CNBD1: variants seen among roughly 807,000 people sequenced by gnomAD.
The protein encoded by CNBD1 is cyclic nucleotide binding domain containing 1, also known as cyclic nucleotide-binding domain-containing protein 1.
Under a neutral mutation model 54.4 loss-of-function variants are expected in CNBD1, and 71 were observed. The observed-to-expected ratio is 1.30, with a 90% CI of 1.08 to 1.59. The LOEUF (loss-of-function observed/expected upper bound fraction) is 1.59. CNBD1 is among the 40% of genes most tolerant of loss of function. The pLI is 0.00. For missense variants in CNBD1, 659 were observed against 518.0 expected (o/e 1.27, Z -2.64); for synonymous variants, 182 against 170.7 (o/e 1.07, Z -0.51).
intron 7 of CNBD1, among the ~76,000 whole-genome samples, chr8:87,285,763 G>A (rs766451418): frequency 1.7e-4 from 26 of 152,244 alleles, no homozygotes; most frequent in Middle Eastern, 3.4e-3. Context: ...CCAGCTACTC[G>A]GGAGGCTGAG....
rs562002750 is a variant in CNBD1, at chr8:87,353,757, T to C, written c.1274T>C (p.Met425Thr). The change falls in exon 10 of 11, where the codon ATG (methionine) becomes ACG (threonine). Residue 425 changes from methionine (M) to threonine (T), a missense_variant. Physicochemically the swap from Met to Thr is moderately conservative, Grantham distance 81 (BLOSUM62 -1). Coordinates refer to ENST00000518476, the MANE Select transcript of CNBD1 (RefSeq NM_173538.3). ...CTIITKKEVE[M>T]AIIEDKDLFV... Reference sequence around the variant, plus strand: ...ATCATTACCAAAAAAGAAGTTGAGATGGCAATCATTGAAGATAAGGACCTA... The same window carrying C: ...ATCATTACCAAAAAAGAAGTTGAGACGGCAATCATTGAAGATAAGGACCTA... The C allele has an allele frequency of 5.2e-5, 83 of 1,609,810 alleles. No individual in the cohort carries two copies. In the South Asian group the frequency reaches 7.9e-4, roughly 15 times the overall value.
At chr8:86,950,823 T>C (rs1313221422) in intron 4 of CNBD1, among the ~76,000 whole-genome samples, 1 of 152,220 alleles carries the variant, frequency 6.6e-6, no homozygotes, top group Admixed American at 6.5e-5. Context: ...TTTTACTTAT[T>C]ATTGATCTGT....
At chr8:87,244,222 T>C (rs1346115407) in intron 6 of CNBD1, among the ~76,000 whole-genome samples, 1 of 152,022 alleles carries the variant, frequency 6.6e-6, no homozygotes, top group African/African-American at 2.4e-5. Flanking sequence ...AGGTCACTGG[T>C]AGGTGAGGGA....
chr8:86,981,694 A>C (rs1808492288), intron 4 of CNBD1, among the ~76,000 whole-genome samples: 1 of 152,148 alleles, frequency 6.6e-6, no homozygotes, highest in South Asian at 2.1e-4. Flanking sequence ...CATTTTAATC[A>C]TAATATTTAA....
At chr8:87,351,268 C>A (rs997245470) in intron 8 of CNBD1, among the ~76,000 whole-genome samples, 1 of 152,240 alleles carries the variant, frequency 6.6e-6, no homozygotes, top group African/African-American at 2.4e-5. Context: ...GATATAGGCT[C>A]TGGAAAGTGA....
intron 1 of CNBD1, among the ~76,000 whole-genome samples, chr8:86,886,702 G>C (rs1220841701): frequency 6.6e-6 from 1 of 152,132 alleles, no homozygotes; most frequent in Non-Finnish European, 1.5e-5. Flanking sequence ...GTCAATGAAT[G>C]CACTTTTTAA....
chr8:87,331,106 T>A (rs905309541), intron 8 of CNBD1, among the ~76,000 whole-genome samples: 1 of 152,210 alleles, frequency 6.6e-6, no homozygotes, highest in African/African-American at 2.4e-5. Flanking sequence ...CATGAAGGTT[T>A]GTTACACAGG....
chr8:87,298,041 TA>T (rs1435783329), intron 8 of CNBD1, among the ~76,000 whole-genome samples: 15 of 151,824 alleles, frequency 9.9e-5, no homozygotes, highest in Non-Finnish European at 2.9e-5. Context: ...TATAGATTTG[TA>T]TAAGCTGAGC....
At chr8:86,923,022 G>A (rs1809300351) in intron 3 of CNBD1, among the ~76,000 whole-genome samples, 1 of 152,170 alleles carries the variant, frequency 6.6e-6, no homozygotes, top group Non-Finnish European at 1.5e-5. Context: ...ACTGTTACCA[G>A]AAGGAGGGCC....
intron 2 of CNBD1, among the ~76,000 whole-genome samples, chr8:86,894,069 T>G (rs966660021): frequency 1.0e-5 from 1 of 97,332 alleles, no homozygotes; most frequent in African/African-American, 4.7e-5. Flanking sequence ...TTTTTTTTTT[T>G]TTTGAGACGG....
At chr8:87,018,896 CT>C (rs1809424705) in intron 4 of CNBD1, among the ~76,000 whole-genome samples, 2 of 152,248 alleles carry the variant, frequency 1.3e-5, no homozygotes. Flanking sequence ...GCCTAAACCG[CT>C]GGTAAAACAA....
chr8:87,327,324 G>C (rs1208138471), intron 8 of CNBD1, among the ~76,000 whole-genome samples: 1 of 150,006 alleles, frequency 6.7e-6, no homozygotes, highest in African/African-American at 2.5e-5. Flanking sequence ...AGCTGTGGTG[G>C]GCTCCACCCA....
At chr8:87,388,239 G>T (rs1361046130) in intron 2 of CNBD1, among the ~76,000 whole-genome samples, 1 of 152,072 alleles carries the variant, frequency 6.6e-6, no homozygotes, top group Non-Finnish European at 1.5e-5. Flanking sequence ...CAGAAGGCAA[G>T]AAATAACTAA....
intron 10 of CNBD1, among the ~76,000 whole-genome samples, chr8:87,370,517 A>C: frequency 6.6e-6 from 1 of 152,018 alleles, no homozygotes; most frequent in Middle Eastern, 3.2e-3. Flanking sequence ...TGGCTGCATA[A>C]ATGTTTTCTT....
intron 8 of CNBD1, among the ~76,000 whole-genome samples, chr8:87,341,569 A>G (rs1313017320): frequency 6.6e-6 from 1 of 152,222 alleles, no homozygotes; most frequent in African/African-American, 2.4e-5. Context: ...CTGTTGTAAT[A>G]GTATTAAGAG....
intron 4 of CNBD1, among the ~76,000 whole-genome samples, chr8:87,170,773 CAT>C (rs905937027): frequency 8.5e-5 from 13 of 152,194 alleles, no homozygotes; most frequent in African/African-American, 1.4e-4. Context: ...GAAATGATCA[CAT>C]GTTTTTTCCC....
rs184598686 is a variant in CNBD1, at chr8:87,151,519, A to G, written c.432-54474A>G. 2.1e-3 allele frequency among the ~76,000 whole-genome samples: 319 copies of G among 152,290 alleles called. 4 individuals carry two copies. The highest frequency in any genetic ancestry group is 9.3e-3 in the South Asian group (45 of 4,824). On this transcript the variant is annotated intron_variant, in intron 4 of 10. Transcript: ENST00000518476. ...AAAGAAAATTAAAGCAAGGAAGGGG[A>G]ATATACCACATCTACAATGTTATAG...
intron 4 of CNBD1, among the ~76,000 whole-genome samples, chr8:87,160,424 A>C (rs983460172): frequency 2.6e-5 from 4 of 152,068 alleles, no homozygotes; most frequent in African/African-American, 9.7e-5. Flanking sequence ...ACTAGTACTG[A>C]AAAAGAAAAA....
At chr8:87,143,377 C>T (rs1290635459) in intron 4 of CNBD1, among the ~76,000 whole-genome samples, 1 of 152,126 alleles carries the variant, frequency 6.6e-6, no homozygotes, top group East Asian at 1.9e-4. Flanking sequence ...AGGGCACCTA[C>T]ATCAACACAT....
Sources: allele counts gnomAD v4.1 joint callset (sites outside exome capture counted in the v4.1 genomes callset), GRCh38; gene constraint gnomAD v4.1.1; transcripts MANE v1.5; gene names NCBI Gene and HGNC (gene_info 2026-07-23, HGNC 2026-07-21).